The following MTM1 variants were observed in gnomAD, a reference collection of about 807,000 sequenced individuals.
The protein encoded by MTM1 is myotubularin.
Under a neutral mutation model 52.1 loss-of-function variants are expected in MTM1, and 9 were observed. The observed-to-expected ratio is 0.17, with a 90% CI of 0.10 to 0.30. The LOEUF (loss-of-function observed/expected upper bound fraction) is 0.30, where lower values mean the gene tolerates loss of function less well. Ranked by LOEUF, MTM1 falls within the 10% of genes least tolerant of loss-of-function variation. MTM1 has a pLI of 1.00. For missense variants in MTM1, 277 were observed against 470.7 expected (o/e 0.59, Z 3.81); for synonymous variants, 136 against 163.8 (o/e 0.83, Z 1.29).
chrX:150,595,325 G>T (rs113101255), intron 2 of MTM1, among the ~76,000 whole-genome samples: 1 of 111,065 alleles, frequency 9.0e-6, no homozygotes, highest in Admixed American at 9.6e-5. Context: ...GCTGGGCGTG[G>T]TGGCACACAC....
At chrX:150,581,548 T>C (rs1165625108) in intron 1 of MTM1, among the ~76,000 whole-genome samples, 1 of 111,966 alleles carries the variant, frequency 8.9e-6, no homozygotes, top group Admixed American at 9.5e-5. Context: ...AAAAGCCTAT[T>C]TGTTGACTCA....
intron 9 of MTM1, among the ~76,000 whole-genome samples, chrX:150,647,561 A>G (rs782244079): frequency 8.9e-6 from 1 of 112,028 alleles, no homozygotes; most frequent in South Asian, 3.7e-4. Flanking sequence ...AGACCTTTAC[A>G]TCATCGTCCT....
In MTM1 at chrX:150,667,874, G is replaced by A. The variant is rs377634123; in HGVS notation, c.1645-3554G>A. On this transcript the variant is annotated intron_variant, in intron 14 of 14. Coordinates refer to ENST00000370396, the MANE Select transcript of MTM1 (RefSeq NM_000252.3). ...TTCACGCCTTGGCTGCCTGTAGTGG[G>A]TAGAATGGTGTGTCCCCCAAAGGAC... Among the ~76,000 whole-genome samples the A allele has an allele frequency of 2.7e-5, 3 of 112,436 alleles. No individual in the cohort carries two copies. In the East Asian group the frequency reaches 8.4e-4, roughly 31 times the overall value.
chrX:150,584,725 C>T (rs782663350), intron 1 of MTM1, among the ~76,000 whole-genome samples: 1 of 111,151 alleles, frequency 9.0e-6, no homozygotes, highest in Non-Finnish European at 1.9e-5. Context: ...GGTTCCAGGA[C>T]TCCCGAGGAT....
At chrX:150,570,001 C>A (rs1478233044) in intron 1 of MTM1, among the ~76,000 whole-genome samples, 2 of 111,925 alleles carry the variant, frequency 1.8e-5, no homozygotes, top group Non-Finnish European at 3.8e-5. Flanking sequence ...TGTATAGTAC[C>A]CTCCCGGGTG....
At chrX:150,620,144 GTC>G (rs1557413247) in intron 6 of MTM1, among the ~76,000 whole-genome samples, 1 of 112,117 alleles carries the variant, frequency 8.9e-6, no homozygotes, top group African/African-American at 3.2e-5. Context: ...GAGAATGTGA[GTC>G]TAATTGATGA....
chrX:150,612,611 G>T (rs782041324), intron 4 of MTM1, among the ~76,000 whole-genome samples: 2 of 110,055 alleles, frequency 1.8e-5, no homozygotes, highest in South Asian at 7.8e-4. Flanking sequence ...TCAGGAGGCT[G>T]ATGTGGGAGG....
intron 7 of MTM1, among the ~76,000 whole-genome samples, chrX:150,640,558 T>C (rs917566257): frequency 6.2e-5 from 7 of 112,166 alleles, no homozygotes; most frequent in Admixed American, 9.5e-5. Context: ...CCTCTGGATC[T>C]TTTCCATACT....
rs782523356 is a variant in MTM1, at chrX:150,627,407, TTCTTCAGTTTTA to T, written c.444+8274_444+8285del. On this transcript the variant is annotated intron_variant, in intron 6 of 14. Transcript: ENST00000370396. Reference sequence around the variant, plus strand: ...TCTCCTGAGATGTAAGCTGGGTAATTTCTTCAGTTTTATCTTCTACTTCGGCTGTGCCTGATC... The same window carrying T: ...TCTCCTGAGATGTAAGCTGGGTAATTTCTTCTACTTCGGCTGTGCCTGATC... 5.9e-3 allele frequency among the ~76,000 whole-genome samples: 660 copies of T among 111,893 alleles called. 4 individuals are homozygous for T. Among genetic ancestry groups the T allele is most frequent in the African/African-American group, 0.021 (636 of 30,754 alleles).
chrX:150,653,278 C>T (rs781862619), intron 10 of MTM1, among the ~76,000 whole-genome samples: 16 of 111,292 alleles, frequency 1.4e-4, no homozygotes, highest in Non-Finnish European at 2.6e-4. Context: ...AATCCATTCC[C>T]CGCCTCTTCC....
At position 150,666,945 on chromosome X, in the gene MTM1, C is replaced by T. The variant is rs782760999; in HGVS notation, c.1644+3336C>T. ...ACAGCTAGAGTCCAAGCACTTCTCA[C>T]TGAGCTCCCACCACCATGCTGGTGT... is the stretch of plus-strand genomic sequence containing the variant. On this transcript the variant is annotated intron_variant, in intron 14 of 14. Coordinates refer to ENST00000370396, the MANE Select transcript of MTM1 (RefSeq NM_000252.3). 1.5e-4 allele frequency among the ~76,000 whole-genome samples: 17 copies of T among 111,762 alleles called. No homozygotes were observed. The East Asian group carries it at 4.8e-3, about 31-fold the overall frequency.
In MTM1 at chrX:150,671,432, C is replaced by T. The variant is rs2040394412; in HGVS notation, c.1649C>T (p.Pro550Leu). 2.5e-6 allele frequency: 3 copies of T among 1,209,071 alleles called. No individual in the cohort carries two copies. The highest frequency in any genetic ancestry group is 3.0e-5 in the East Asian group (1 of 33,772). Residue 550 changes from proline (P) to leucine (L), a missense_variant, in exon 15 of 15, where the codon CCG (proline) becomes CTG (leucine). By Grantham distance (98) the Pro-to-Leu change is moderately conservative (BLOSUM62 -3). Coordinates refer to ENST00000370396, the MANE Select transcript of MTM1 (RefSeq NM_000252.3). ...RWNPRIKQQQ[P>L]NPVEQRYMEL... is the part of the protein sequence containing the mutation. ...CAAGTCTCTGGTTCTCTCCAGCAGC[C>T]GAATCCAGTGGAGCAGCGTTACATG...
intron 4 of MTM1, among the ~76,000 whole-genome samples, chrX:150,607,029 A>G (rs782623810): frequency 3.2e-5 from 3 of 95,202 alleles, no homozygotes; most frequent in Non-Finnish European, 6.2e-5. Context: ...CCCAGGTTGG[A>G]GTGCAGTGGC....
At chrX:150,607,412 T>C (rs2039188389) in intron 4 of MTM1, among the ~76,000 whole-genome samples, 2 of 112,060 alleles carry the variant, frequency 1.8e-5, no homozygotes, top group South Asian at 7.4e-4. Context: ...CTGCTTCCAC[T>C]TCCGTACTAT....
rs2038656284 is a variant in MTM1 at position 150,583,398 on chromosome X, AATTATATATATTATATTATATATAAT to A, written c.-10-9206_-10-9181del. On this transcript the variant is annotated intron_variant, in intron 1 of 14. Coordinates refer to ENST00000370396, the MANE Select transcript of MTM1 (RefSeq NM_000252.3). ...TATTATATATAATATAATATATATA[AATTATATATATTATATTATATATAAT>A]TATAAATATATAAAAATTATATATA... Among the ~76,000 whole-genome samples the A allele has an allele frequency of 1.5e-4, 6 of 40,818 alleles. 1 individual carries two copies. The highest frequency in any genetic ancestry group is 5.6e-4 in the Admixed American group (1 of 1,773). 35.4% of individuals were successfully genotyped at this position (40,818 alleles called of 115,157 possible). A position where few individuals can be genotyped will look rare whatever the true frequency, so the allele number is the denominator to read the frequency against.
chrX:150,666,897 T>G (rs2040312842), intron 14 of MTM1, among the ~76,000 whole-genome samples: 1 of 111,500 alleles, frequency 9.0e-6, no homozygotes, highest in Non-Finnish European at 1.9e-5. Context: ...TCAGGAGAGC[T>G]TCTTGGGCTC....
intron 10 of MTM1, among the ~76,000 whole-genome samples, chrX:150,652,159 A>AT (rs1172581245): frequency 1.8e-5 from 2 of 110,837 alleles, no homozygotes; most frequent in Non-Finnish European, 3.8e-5. Context: ...TACTTCAGGA[A>AT]TTTTTTTAAG....
chrX:150,652,825 A>T (rs183089628), intron 10 of MTM1, among the ~76,000 whole-genome samples: 1,244 of 108,359 alleles, frequency 0.011, 11 homozygotes, highest in Middle Eastern at 0.024. Flanking sequence ...GCTTTTTTTT[A>T]AAAGAGAGAG....
At chrX:150,653,726 A>C (rs2040066617) in intron 10 of MTM1, among the ~76,000 whole-genome samples, 1 of 112,304 alleles carries the variant, frequency 8.9e-6, no homozygotes. Context: ...GTTCACTGAC[A>C]GCCCCAGCAG....
Sources: gnomAD v4.1 joint callset for allele counts (sites outside exome capture counted in the v4.1 genomes callset) on GRCh38, gnomAD v4.1.1 for gene constraint, MANE v1.5 for transcripts, NCBI Gene and HGNC (gene_info 2026-07-23, HGNC 2026-07-21) for gene names.